TUBGCP2: variants seen among roughly 807,000 people sequenced by gnomAD.
TUBGCP2 encodes gamma-tubulin complex component 2.
TUBGCP2 carries 55 observed loss-of-function variants against 92.2 expected under a neutral mutation model. The observed-to-expected ratio is 0.60, with a 90% CI of 0.48 to 0.75. The LOEUF (loss-of-function observed/expected upper bound fraction) is 0.75. Among genes scored for constraint, TUBGCP2 ranks in the 30% least tolerant of loss-of-function variants. The probability of loss-of-function intolerance (pLI) is 0.00; values close to 1 mark genes in which losing one functional copy is unlikely to be tolerated. For synonymous variants in TUBGCP2, 533 were observed against 505.2 expected, an observed-to-expected ratio of 1.06 and a Z score of -0.74; for missense variants, 1,093 against 1,188.9, an observed-to-expected ratio of 0.92 and a Z score of 1.19.
intron 1 of TUBGCP2, among the ~76,000 whole-genome samples, chr10:133,305,731 C>T (rs554201134): frequency 2.0e-5 from 3 of 152,102 alleles, no homozygotes; most frequent in Non-Finnish European, 4.4e-5. Flanking sequence ...ACATCAAATA[C>T]TGGTCACAGG....
Position 133,289,033 on chromosome 10 carries a change from A to C in TUBGCP2, c.1361-13T>G. 6.2e-7 allele frequency: 1 copy of C among 1,604,530 alleles called. No homozygotes were observed. The highest frequency in any genetic ancestry group is 8.5e-7 in the Non-Finnish European group (1 of 1,173,138). On this transcript the variant is annotated splice_polypyrimidine_tract_variant and intron_variant, in intron 9 of 17. Transcript: ENST00000252936. The stretch of plus-strand genomic sequence containing the variant: ...TTTAGATATTTTCCTGAAAACACAG[A>C]AATTCAAAATTTTATTCTCCACATG...
chr10:133,303,007 A>C lies in TUBGCP2; in HGVS notation c.-39-27T>G. On this transcript the variant is annotated intron_variant, in intron 1 of 17. Transcript: ENST00000252936. The stretch of plus-strand genomic sequence containing the variant: ...TATAGGTAAGAAGACAGCTATTCAT[A>C]AAATTCAAACTGTAGAAATAAAAAA... The C allele has an allele frequency of 1.9e-6, 3 of 1,592,478 alleles. No homozygotes were observed. In the East Asian group the frequency reaches 6.7e-5, roughly 36 times the overall value.
chr10:133,312,156 A>T (rs1564779762), upstream of TUBGCP2: 2 of 1,378,282 alleles, frequency 1.5e-6, no homozygotes, highest in South Asian at 1.6e-5. Context: ...CGTCTGCCTT[A>T]ATAGCATCAC....
intron 1 of TUBGCP2, among the ~76,000 whole-genome samples, chr10:133,304,722 A>C (rs1051210361): frequency 8.5e-5 from 13 of 152,052 alleles, no homozygotes; most frequent in African/African-American, 2.2e-4. Flanking sequence ...GAATATCATT[A>C]ATCATCAGTT....
At chr10:133,282,483 T>C in intron 15 of TUBGCP2, 141 bp from the exon 16 acceptor site, 1 of 1,218,176 alleles carries the variant, frequency 8.2e-7, no homozygotes, top group Non-Finnish European at 1.1e-6. Flanking sequence ...TCTCTGAGGC[T>C]GCAGGGGAAA....
intron 16 of TUBGCP2, 152 bp downstream of exon 16, chr10:133,282,071 T>C (rs1589820527): frequency 1.6e-6 from 2 of 1,285,234 alleles, no homozygotes; most frequent in African/African-American, 3.0e-5. Flanking sequence ...CTCTTGTGCT[T>C]GTGCTTGGAA....
rs758299837 is a variant in TUBGCP2 at position 133,282,345 on chromosome 10, A to AG, written c.2290-4dup. 3.6e-5 allele frequency: 57 copies of AG among 1,583,752 alleles called. No homozygotes were observed. Among genetic ancestry groups the AG allele is most frequent in the African/African-American group, 2.7e-4 (20 of 73,684 alleles). On this transcript the variant is annotated splice_region_variant and splice_polypyrimidine_tract_variant and intron_variant, in intron 15 of 17. Coordinates refer to ENST00000252936, the MANE Select transcript of TUBGCP2 (RefSeq NM_006659.4). ...AATTTCATGCTCTGTGTAAATTTCT[A>AG]GGGGGGGAGAGTCGCAAGGAAATGC...
Position 133,281,456 on chromosome 10 carries a change from G to A in TUBGCP2, c.2410-20C>T. The A allele has an allele frequency of 1.9e-6, 3 of 1,608,016 alleles. No individual in the cohort carries two copies. The highest frequency in any genetic ancestry group is 2.5e-6 in the Non-Finnish European group (3 of 1,178,666). Reference sequence around the variant, plus strand: ...CAGGTGCTGGAAAGAAAGCCGGGGTGCGTGAGCCATGCCCACCCCCACCGT... The same window carrying A: ...CAGGTGCTGGAAAGAAAGCCGGGGTACGTGAGCCATGCCCACCCCCACCGT... On this transcript the variant is annotated intron_variant, in intron 16 of 17. Transcript: ENST00000252936.
chr10:133,286,612 C>T (rs551091545), intron 11 of TUBGCP2, among the ~76,000 whole-genome samples: 1 of 152,154 alleles, frequency 6.6e-6, no homozygotes, highest in Non-Finnish European at 1.5e-5. Context: ...ATCCTCCTCC[C>T]GCGCGCACGG....
At chr10:133,309,470 G>C (rs912662553), upstream of TUBGCP2, 14 of 1,611,322 alleles carry the variant, frequency 8.7e-6, no homozygotes, top group Non-Finnish European at 1.2e-5. Context: ...CCAGGTAAGC[G>C]AATGGGCAGT....
At chr10:133,283,642 C>T (rs1042550406) in intron 14 of TUBGCP2, among the ~76,000 whole-genome samples, 1 of 152,166 alleles carries the variant, frequency 6.6e-6, no homozygotes, top group Non-Finnish European at 1.5e-5. Context: ...TCCCCTTGCC[C>T]TGCCTCTCCT....
intron 11 of TUBGCP2, 95 bp downstream of exon 11, chr10:133,288,034 G>A (rs568561622): frequency 3.9e-4 from 558 of 1,448,200 alleles, no homozygotes; most frequent in Middle Eastern, 2.3e-4. Flanking sequence ...TCACCGGGAC[G>A]GGGAGTGGGG....
At chr10:133,306,040 T>C (rs1295117761) in intron 1 of TUBGCP2, among the ~76,000 whole-genome samples, 1 of 152,212 alleles carries the variant, frequency 6.6e-6, no homozygotes, top group Non-Finnish European at 1.5e-5. Flanking sequence ...GAAGGGCCCA[T>C]ACGTGGTAAG....
chr10:133,281,759 G>A (rs1278805738), intron 16 of TUBGCP2, among the ~76,000 whole-genome samples: 2 of 152,192 alleles, frequency 1.3e-5, no homozygotes, highest in African/African-American at 2.4e-5. Flanking sequence ...CGGCCCCCAC[G>A]CTTCCAAACC....
chr10:133,288,257 T>C lies in TUBGCP2; in HGVS notation c.1594A>G (p.Met532Val). The change falls in exon 11 of 18, where the codon ATG becomes GTG. Residue 532 changes from methionine to valine, a missense_variant. Around this residue, in one of 3 missense-constraint regions of TUBGCP2, gnomAD observed 598 missense variants for 675.5 expected, o/e 0.89. Transcript: ENST00000252936. ...MDQGDFFVHF[M>V]DLAEEELRKP... ...CGGAGCTCCTCCTCCGCGAGGTCCA[T>C]GAAGTGCACGAAGAAGTCGCCCTGG... 6.8e-6 allele frequency: 11 copies of C among 1,613,688 alleles called. No individual in the cohort carries two copies. In the East Asian group the frequency reaches 8.9e-5, roughly 13 times the overall value.
rs1198856008 is a variant in TUBGCP2, at chr10:133,289,035, A to T, written c.1361-15T>A. ...TAGATATTTTCCTGAAAACACAGAAATTCAAAATTTTATTCTCCACATGGT... is the reference window on the plus strand; with the variant it reads ...TAGATATTTTCCTGAAAACACAGAATTTCAAAATTTTATTCTCCACATGGT... On this transcript the variant is annotated splice_polypyrimidine_tract_variant and intron_variant, in intron 9 of 17. Coordinates refer to ENST00000252936, the MANE Select transcript of TUBGCP2 (RefSeq NM_006659.4). 1 of 1,604,754 alleles carries T rather than the reference A, an allele frequency of 6.2e-7. No individual in the cohort carries two copies. The highest frequency in any genetic ancestry group is 1.3e-5 in the African/African-American group (1 of 74,762).
At chr10:133,312,316 T>TAGAG (rs1417231026), upstream of TUBGCP2, 17 of 1,190,498 alleles carry the variant, frequency 1.4e-5, no homozygotes, top group Non-Finnish European at 1.8e-5. Flanking sequence ...GCCGTCTGCC[T>TAGAG]TTCTAGTTAA....
At position 133,285,161 on chromosome 10, in the gene TUBGCP2, G is replaced by C. The variant is rs1022609470; in HGVS notation, c.1948C>G (p.His650Asp). The C allele has an allele frequency of 3.7e-6, 6 of 1,613,576 alleles. No homozygotes were observed. In the East Asian group the frequency reaches 1.3e-4, roughly 36 times the overall value. The change falls in exon 13 of 18, where the codon CAC becomes GAC. Residue 650 changes from histidine (H) to aspartate (D), a missense_variant. By Grantham distance (81) the His-to-Asp change is moderately conservative (BLOSUM62 -1). Coordinates refer to ENST00000252936, the MANE Select transcript of TUBGCP2 (RefSeq NM_006659.4). The surrounding 1 kb of genome is among the most constrained non-coding windows in gnomAD (Gnocchi z 6.8). ...MLFRHMFYCK[H>D]VERQLCSVWI... ...ACGCTGCAGAGCTGCCGCTCCACGT[G>C]CTTGCAGTAGAACATGTGCCTGAAG...
intron 16 of TUBGCP2, 183 bp from the exon 17 acceptor site, chr10:133,281,619 C>G: frequency 1.2e-6 from 1 of 805,732 alleles, no homozygotes; most frequent in East Asian, 2.8e-5. Flanking sequence ...TCCTGAGAAC[C>G]CAGCACTCAG....
Sources: allele counts gnomAD v4.1 joint callset (sites outside exome capture counted in the v4.1 genomes callset), GRCh38; gene constraint gnomAD v4.1.1; regional missense constraint gnomAD v4.1.1; non-coding constraint Gnocchi (gnomAD v3.1); transcripts MANE v1.5; gene names NCBI Gene and HGNC (gene_info 2026-07-23, HGNC 2026-07-21).